Variants in DCLK1 observed in about 807,000 individuals in gnomAD.
DCLK1 encodes the protein serine/threonine-protein kinase DCLK1.
In DCLK1, 16 loss-of-function variants were observed where a neutral mutation model predicts 86.2. That is an observed-to-expected ratio of 0.19 (90% CI 0.13 to 0.28). The LOEUF is 0.28. DCLK1 is among the 10% of genes least tolerant of loss of function. The pLI, the probability that DCLK1 is intolerant of heterozygous loss-of-function variation, is 1.00. For missense variants in DCLK1, 590 were observed against 940.2 expected, an observed-to-expected ratio of 0.63 and a Z score of 4.87; for synonymous variants, 369 against 370.5, an observed-to-expected ratio of 1.00 and a Z score of 0.05.
At chr13:35,849,380 G>A in intron 6 of DCLK1, 2 of 984,486 alleles carry the variant, frequency 2.0e-6, no homozygotes, top group East Asian at 1.1e-4. Context: ...TCATGTAAAA[G>A]CCTCCAAATG....
chr13:36,072,939 T>G (rs1273201553), intron 3 of DCLK1, among the ~76,000 whole-genome samples: 1 of 152,238 alleles, frequency 6.6e-6, no homozygotes, highest in African/African-American at 2.4e-5. Context: ...GATCTCATTA[T>G]AATTCATGCG....
chr13:35,927,364 C>A (rs1245371988), intron 4 of DCLK1, among the ~76,000 whole-genome samples: 1 of 152,186 alleles, frequency 6.6e-6, no homozygotes, highest in Non-Finnish European at 1.5e-5. Context: ...ATTTCTATGA[C>A]CTTTATGCAG....
At chr13:35,971,744 C>A (rs2153139610) in intron 3 of DCLK1, among the ~76,000 whole-genome samples, 1 of 145,628 alleles carries the variant, frequency 6.9e-6, no homozygotes, top group Admixed American at 7.0e-5. Context: ...GCCTGGGCAA[C>A]AAGAGTGAAA....
At chr13:35,829,177 T>C (rs1004046878) in intron 8 of DCLK1, among the ~76,000 whole-genome samples, 1 of 152,138 alleles carries the variant, frequency 6.6e-6, no homozygotes, top group African/African-American at 2.4e-5. Context: ...ACGCCGCCCC[T>C]CCTCTGTGAT....
intron 4 of DCLK1, among the ~76,000 whole-genome samples, chr13:35,902,528 G>A (rs1322073313): frequency 6.6e-6 from 1 of 152,156 alleles, no homozygotes; most frequent in African/African-American, 2.4e-5. Context: ...TGGCAGCTGT[G>A]GGCGTAGATT....
intron 3 of DCLK1, among the ~76,000 whole-genome samples, chr13:35,966,532 G>A (rs1369935547): frequency 1.0e-5 from 1 of 99,304 alleles, no homozygotes; most frequent in Admixed American, 1.7e-4. Flanking sequence ...CTCCCTCTTT[G>A]CACGGTCTCC....
intron 3 of DCLK1, among the ~76,000 whole-genome samples, chr13:35,983,016 G>C (rs1411636277): frequency 6.6e-6 from 1 of 152,008 alleles, no homozygotes; most frequent in Non-Finnish European, 1.5e-5. Context: ...CTCCCGCCAT[G>C]GCCTCTCAAA....
At position 35,814,262 on chromosome 13, in the gene DCLK1, C is replaced by T. The variant is rs146307490; in HGVS notation, c.1555-3294G>A. On this transcript the variant is annotated intron_variant, in intron 11 of 16. Coordinates refer to ENST00000360631, the MANE Select transcript of DCLK1 (RefSeq NM_001330071.2). The stretch of plus-strand genomic sequence containing the variant: ...AATACACCCATTTAAAGCCTGCACG[C>T]GCGCACACACGCACACACACACAGC... Among the ~76,000 whole-genome samples, 184 of 152,260 alleles carry T rather than the reference C, an allele frequency of 1.2e-3. 1 individual carries two copies. The highest frequency in any genetic ancestry group is 1.8e-3 in the African/African-American group (75 of 41,550).
intron 4 of DCLK1, among the ~76,000 whole-genome samples, chr13:35,896,869 C>T (rs1046163959): frequency 4.6e-5 from 7 of 152,194 alleles, no homozygotes; most frequent in East Asian, 1.9e-4. Flanking sequence ...GCTCAGAAAA[C>T]GGACATTTAA....
chr13:36,045,572 T>A (rs1882879208), intron 3 of DCLK1, among the ~76,000 whole-genome samples: 1 of 151,560 alleles, frequency 6.6e-6, no homozygotes, highest in Non-Finnish European at 1.5e-5. Context: ...TGTCATCAGG[T>A]CGGGTGTGGT....
At chr13:35,820,186 T>C (rs2087361052) in intron 11 of DCLK1, among the ~76,000 whole-genome samples, 1 of 152,258 alleles carries the variant, frequency 6.6e-6, no homozygotes, top group East Asian at 1.9e-4. Context: ...TAAGTTTTGC[T>C]AAACTTATTT....
In DCLK1 at chr13:35,775,168, C is replaced by T. The variant is rs528689098; in HGVS notation, c.2059-469G>A. 3.9e-5 allele frequency among the ~76,000 whole-genome samples: 6 copies of T among 152,242 alleles called. 1 individual carries two copies. In the Middle Eastern group the frequency reaches 0.017, roughly 432 times the overall value. ...TCAGTCAGACATGGAAACGGAGCCA[C>T]GGCTCATCCTGTTCTTTTAGCACCT... On this transcript the variant is annotated intron_variant, in intron 16 of 16. Coordinates refer to ENST00000360631, the MANE Select transcript of DCLK1 (RefSeq NM_001330071.2).
chr13:35,836,547 C>T (rs1869397097), intron 7 of DCLK1, among the ~76,000 whole-genome samples: 1 of 152,182 alleles, frequency 6.6e-6, no homozygotes, highest in African/African-American at 2.4e-5. Flanking sequence ...GGACTCTGGG[C>T]TGCTTGACAC....
chr13:36,075,944 G>C (rs1194824931), intron 3 of DCLK1, among the ~76,000 whole-genome samples: 3 of 152,090 alleles, frequency 2.0e-5, no homozygotes, highest in African/African-American at 7.2e-5. Flanking sequence ...AGAATCACTT[G>C]AACCTGGGAG....
chr13:35,962,992 G>T (rs1878538857), intron 3 of DCLK1, among the ~76,000 whole-genome samples: 1 of 152,112 alleles, frequency 6.6e-6, no homozygotes, highest in Non-Finnish European at 1.5e-5. Flanking sequence ...GCTTTTATAG[G>T]ACACCTCCTT....
At chr13:35,837,126 T>C (rs147665209) in intron 7 of DCLK1, among the ~76,000 whole-genome samples, 1 of 152,336 alleles carries the variant, frequency 6.6e-6, no homozygotes, top group African/African-American at 2.4e-5. Flanking sequence ...AATAAAACTT[T>C]AGGTGGTGAA....
intron 3 of DCLK1, among the ~76,000 whole-genome samples, chr13:36,033,100 A>G (rs1031388993): frequency 6.6e-6 from 1 of 152,194 alleles, no homozygotes; most frequent in Admixed American, 6.5e-5. Flanking sequence ...CAGTAGCTGG[A>G]GATTTCTTTC....
chr13:35,959,854 C>CATGTGTGTGT (rs1453302468), intron 3 of DCLK1, among the ~76,000 whole-genome samples: 9 of 149,410 alleles, frequency 6.0e-5, no homozygotes, highest in African/African-American at 2.2e-4. Flanking sequence ...TACAGCAAGT[C>CATGTGTGTGT]GTGTGTGTGT....
chr13:36,015,583 C>G (rs1217701229), intron 3 of DCLK1, among the ~76,000 whole-genome samples: 1 of 152,114 alleles, frequency 6.6e-6, no homozygotes, highest in Non-Finnish European at 1.5e-5. Context: ...TGTCAACATG[C>G]CTAACAATGA....
Sources: allele counts gnomAD v4.1 joint callset (sites outside exome capture counted in the v4.1 genomes callset), GRCh38; gene constraint gnomAD v4.1.1; transcripts MANE v1.5; gene names NCBI Gene and HGNC (gene_info 2026-07-23, HGNC 2026-07-21).